Variants in LRRTM4 observed in about 807,000 individuals in gnomAD.
The protein encoded by LRRTM4 is leucine rich repeat transmembrane neuronal 4.
In LRRTM4, 25 loss-of-function variants were observed where a neutral mutation model predicts 47.6. The ratio of observed to expected loss-of-function variants is 0.53; its 90% CI spans 0.38 to 0.73. LRRTM4 has a LOEUF of 0.73. LRRTM4 is among the 30% of genes least tolerant of loss of function. LRRTM4 has a pLI of 0.00. For synonymous variants in LRRTM4, 311 were observed against 269.5 expected (o/e 1.15, Z -1.51); for missense variants, 638 against 713.4 (o/e 0.89, Z 1.20).
At chr2:77,065,342 G>A (rs1679917823) in intron 3 of LRRTM4, among the ~76,000 whole-genome samples, 1 of 152,112 alleles carries the variant, frequency 6.6e-6, no homozygotes, top group African/African-American at 2.4e-5. Context: ...CTTGCCCTCA[G>A]AGAACTCACA....
intron 3 of LRRTM4, among the ~76,000 whole-genome samples, chr2:77,344,555 A>G (rs2104283209): frequency 6.6e-6 from 1 of 152,034 alleles, no homozygotes; most frequent in Middle Eastern, 3.4e-3. Flanking sequence ...ACGAACCTTT[A>G]GGTCAATACC....
chr2:77,127,800 T>G (rs891094797), intron 3 of LRRTM4, among the ~76,000 whole-genome samples: 3 of 152,196 alleles, frequency 2.0e-5, no homozygotes, highest in African/African-American at 7.2e-5. Flanking sequence ...GTTAGACAGC[T>G]CGAATCACAT....
At chr2:77,233,382 G>A (rs896472172) in intron 3 of LRRTM4, among the ~76,000 whole-genome samples, 7 of 152,098 alleles carry the variant, frequency 4.6e-5, no homozygotes, top group African/African-American at 7.2e-5. Context: ...TAACAGAAAA[G>A]TTGAAATATT....
intron 3 of LRRTM4, among the ~76,000 whole-genome samples, chr2:77,079,050 A>T (rs560535824): frequency 1.3e-5 from 2 of 152,276 alleles, no homozygotes; most frequent in African/African-American, 4.8e-5. Flanking sequence ...CACTTCCCCC[A>T]AAGCTCCACT....
At chr2:76,865,000 C>G (rs369404462) in intron 3 of LRRTM4, among the ~76,000 whole-genome samples, 1 of 151,150 alleles carries the variant, frequency 6.6e-6, no homozygotes, top group Non-Finnish European at 1.5e-5. Context: ...CCTCCCAAAT[C>G]TTGATTCTTA....
At chr2:76,804,762 C>T (rs1419082492) in intron 3 of LRRTM4, among the ~76,000 whole-genome samples, 1 of 139,656 alleles carries the variant, frequency 7.2e-6, no homozygotes, top group South Asian at 2.2e-4. Context: ...TGTTTTATAA[C>T]AATATATATA....
chr2:77,141,921 C>T (rs1443393482), intron 3 of LRRTM4, among the ~76,000 whole-genome samples: 1 of 152,150 alleles, frequency 6.6e-6, no homozygotes, highest in Non-Finnish European at 1.5e-5. Flanking sequence ...GAGCCAAGGG[C>T]TTCAACACCC....
intron 3 of LRRTM4, among the ~76,000 whole-genome samples, chr2:76,967,552 G>A (rs77897976): frequency 0.053 from 7,953 of 151,426 alleles, 484 homozygotes; most frequent in East Asian, 0.14. Context: ...ATACCTCCCT[G>A]TTTTAAGTCT....
intron 3 of LRRTM4, among the ~76,000 whole-genome samples, chr2:77,390,254 T>C (rs894744149): frequency 6.6e-6 from 1 of 151,964 alleles, no homozygotes; most frequent in African/African-American, 2.4e-5. Flanking sequence ...ATAAACAACA[T>C]TTAAACACTA....
intron 3 of LRRTM4, among the ~76,000 whole-genome samples, chr2:76,990,374 T>C (rs1278683724): frequency 2.0e-5 from 3 of 151,616 alleles, no homozygotes; most frequent in Admixed American, 6.6e-5. Context: ...TTGGATAAAA[T>C]AGCAAGACCC....
chr2:77,368,854 T>C (rs1366914099), intron 3 of LRRTM4, among the ~76,000 whole-genome samples: 1 of 151,746 alleles, frequency 6.6e-6, no homozygotes, highest in Admixed American at 6.6e-5. Flanking sequence ...TTTGGCGATA[T>C]ATGCAGGGGA....
chr2:77,263,940 A>C (rs1675984428), intron 3 of LRRTM4, among the ~76,000 whole-genome samples: 1 of 152,074 alleles, frequency 6.6e-6, no homozygotes, highest in Non-Finnish European at 1.5e-5. Flanking sequence ...GTCTATACAA[A>C]GGAAGACCTT....
intron 3 of LRRTM4, among the ~76,000 whole-genome samples, chr2:76,828,301 G>C (rs924397141): frequency 1.3e-5 from 2 of 151,810 alleles, no homozygotes; most frequent in Non-Finnish European, 2.9e-5. Context: ...AAGAGGAAAA[G>C]GCTTCCTCCA....
chr2:76,905,279 G>C (rs372328352), intron 3 of LRRTM4, among the ~76,000 whole-genome samples: 1 of 152,078 alleles, frequency 6.6e-6, no homozygotes, highest in Non-Finnish European at 1.5e-5. Context: ...ACAGACCTGC[G>C]GCTGAGGGTC....
chr2:77,244,466 C>T (rs1013477714), intron 3 of LRRTM4, among the ~76,000 whole-genome samples: 5 of 151,754 alleles, frequency 3.3e-5, no homozygotes, highest in African/African-American at 1.2e-4. Context: ...GCATTTATAC[C>T]TAGATTAAAA....
chr2:77,061,135 A>T (rs1001471725), intron 3 of LRRTM4, among the ~76,000 whole-genome samples: 2 of 151,962 alleles, frequency 1.3e-5, no homozygotes, highest in Non-Finnish European at 2.9e-5. Context: ...GTTTCTTTAA[A>T]TCTATAAAAT....
At chr2:77,320,783 C>G (rs1677765836) in intron 3 of LRRTM4, among the ~76,000 whole-genome samples, 1 of 151,704 alleles carries the variant, frequency 6.6e-6, no homozygotes, top group Non-Finnish European at 1.5e-5. Context: ...AAATGTATTA[C>G]CAAACTGGCA....
rs776265725 is a variant in LRRTM4, at chr2:77,483,118, CAAAAAAAAAAAAAAAAAAAA to C, written c.1551+35180_1551+35199del. Among the ~76,000 whole-genome samples the C allele has an allele frequency of 4.8e-4, 29 of 60,594 alleles. No homozygotes were observed. In the East Asian group the frequency reaches 9.2e-3, roughly 19 times the overall value. 39.8% of individuals were successfully genotyped at this position (60,594 alleles called of 152,430 possible). A position where few individuals can be genotyped will look rare whatever the true frequency, so the allele number is the denominator to read the frequency against. On this transcript the variant is annotated intron_variant, in intron 3 of 3. Transcript: ENST00000409884. Reference sequence around the variant, plus strand: ...CCTAGGAGGCAGAGCAAGACTGTCTCAAAAAAAAAAAAAAAAAAAAAAAAAAAAAAAAAAAATTCCACCGC... The same window carrying C: ...CCTAGGAGGCAGAGCAAGACTGTCTCAAAAAAAAAAAAAAAATTCCACCGC...
rs1402015221 is a variant in LRRTM4 at position 76,775,646 on chromosome 2, T to G, written c.1552-26730A>C. Among the ~76,000 whole-genome samples, 3 of 152,194 alleles carry G rather than the reference T, an allele frequency of 2.0e-5. No homozygotes were observed. In the East Asian group the frequency reaches 5.8e-4, roughly 29 times the overall value. On this transcript the variant is annotated intron_variant, in intron 3 of 3. Transcript: ENST00000409884. Reference sequence around the variant, plus strand: ...CAAGGCTCAGGAGTTAGCAGCTTTATAGATAAGTGCAGTCCTGGTCATAAA... The same window carrying G: ...CAAGGCTCAGGAGTTAGCAGCTTTAGAGATAAGTGCAGTCCTGGTCATAAA...
Sources: gnomAD v4.1 joint callset for allele counts (sites outside exome capture counted in the v4.1 genomes callset) on GRCh38, gnomAD v4.1.1 for gene constraint, MANE v1.5 for transcripts, NCBI Gene and HGNC (gene_info 2026-07-23, HGNC 2026-07-21) for gene names.